The following DMTF1 variants were observed in gnomAD, a reference collection of about 807,000 sequenced individuals.
The protein encoded by DMTF1 is cyclin D binding myb like transcription factor 1.
A neutral mutation model predicts 91.1 loss-of-function variants in DMTF1; 39 were observed. The observed-to-expected ratio is 0.43, with a 90% CI of 0.33 to 0.56. The LOEUF is 0.56. Ranked by LOEUF, DMTF1 falls within the 20% of genes least tolerant of loss-of-function variation. DMTF1 has a pLI of 0.05. For missense variants in DMTF1, 750 were observed against 914.5 expected, an observed-to-expected ratio of 0.82 and a Z score of 2.32; for synonymous variants, 338 against 309.5, an observed-to-expected ratio of 1.09 and a Z score of -0.97.
chr7:87,162,060 CTG>C (rs1792573379), intron 1 of DMTF1, among the ~76,000 whole-genome samples: 2 of 152,128 alleles, frequency 1.3e-5, no homozygotes, highest in Admixed American at 6.6e-5. Flanking sequence ...TAACGGATAA[CTG>C]TTAAATAATG....
chr7:87,189,717 G>T (rs1480664182), intron 13 of DMTF1, among the ~76,000 whole-genome samples: 1 of 152,122 alleles, frequency 6.6e-6, no homozygotes, highest in Non-Finnish European at 1.5e-5. Context: ...TAATGAGCCA[G>T]ATAGTAAATA....
Position 87,195,240 on chromosome 7 carries a change from A to T in DMTF1, c.*100A>T. 2 of 781,026 alleles carry T rather than the reference A, an allele frequency of 2.6e-6. No individual in the cohort carries two copies. The highest frequency in any genetic ancestry group is 3.4e-5 in the South Asian group (2 of 58,424). The allele number at this position is 781,026 out of a possible 1,614,324, so 48.4% of individuals were successfully genotyped here. On this transcript the variant is annotated 3_prime_UTR_variant, in exon 18 of 18. Coordinates refer to ENST00000331242, the MANE Select transcript of DMTF1 (RefSeq NM_001142327.2). ...CAACCCCCAAGAGGCTTAATTTACC[A>T]ATTTAAATAGCCACAGTCCTTAAGC...
At chr7:87,156,581 G>C (rs1790789445) in intron 1 of DMTF1, among the ~76,000 whole-genome samples, 1 of 152,054 alleles carries the variant, frequency 6.6e-6, no homozygotes, top group African/African-American at 2.4e-5. Context: ...AGTGTGTAGT[G>C]TTCCTATTCG....
chr7:87,160,657 C>T (rs112106094), intron 1 of DMTF1, among the ~76,000 whole-genome samples: 2 of 152,168 alleles, frequency 1.3e-5, no homozygotes, highest in Non-Finnish European at 2.9e-5. Context: ...ACCAAAACTA[C>T]TTTTGTTAAA....
At chr7:87,190,050 A>G (rs113371911) in intron 13 of DMTF1, among the ~76,000 whole-genome samples, 4,195 of 152,176 alleles carry the variant, frequency 0.028, 81 homozygotes, top group Middle Eastern at 0.071. Context: ...AAAGTTCCAA[A>G]TCATATTTCA....
At chr7:87,187,568 TAGAG>T (rs1488058858) in intron 12 of DMTF1, 8 of 154,732 alleles carry the variant, frequency 5.2e-5, no homozygotes, top group African/African-American at 7.2e-5. Flanking sequence ...AAAATCCAGT[TAGAG>T]AGGATAAGCG....
At chr7:87,186,097 A>AC (rs773760326) in intron 12 of DMTF1, 117 bp downstream of exon 12, 2 of 1,059,976 alleles carry the variant, frequency 1.9e-6, no homozygotes, top group Non-Finnish European at 2.8e-6. Context: ...ATTTCTACTT[A>AC]CACCACTTCC....
chr7:87,172,709 C>T (rs11981403), intron 5 of DMTF1, among the ~76,000 whole-genome samples: 5,636 of 152,324 alleles, frequency 0.037, 127 homozygotes, highest in East Asian at 0.064. Context: ...ATTCTGCTTA[C>T]GATAGGCTAA....
chr7:87,179,224 C>T (rs932581473), intron 7 of DMTF1, among the ~76,000 whole-genome samples: 1 of 151,924 alleles, frequency 6.6e-6, no homozygotes, highest in Non-Finnish European at 1.5e-5. Context: ...TGCTTTGATT[C>T]TGGATTCCAT....
At chr7:87,177,986 T>C (rs931526019) in intron 7 of DMTF1, among the ~76,000 whole-genome samples, 4 of 152,172 alleles carry the variant, frequency 2.6e-5, no homozygotes, top group African/African-American at 9.6e-5. Context: ...TCTTTTGTTA[T>C]AAATTTAGAA....
At chr7:87,188,973 G>A (rs1322322029) in intron 13 of DMTF1, among the ~76,000 whole-genome samples, 1 of 152,062 alleles carries the variant, frequency 6.6e-6, no homozygotes, top group Non-Finnish European at 1.5e-5. Flanking sequence ...CTTGTTTTTG[G>A]TCTACATATG....
At position 87,166,588 on chromosome 7, in the gene DMTF1, C is replaced by A. The variant is rs1231398143; in HGVS notation, c.215C>A (p.Ser72Ter). ...QSIDDSTPCISVVALPLSEND... is the reference protein window; with the variant it reads ...QSIDDSTPCI ...ATTGATGATTCTACTCCTTGCATATCAGTTGTTGCACTTCCACGTAAGTCA... is the reference window on the plus strand; with the variant it reads ...ATTGATGATTCTACTCCTTGCATATAAGTTGTTGCACTTCCACGTAAGTCA... Residue 72 changes from serine to a stop codon, truncating the protein, a stop_gained, in exon 4 of 18, where the codon TCA becomes TAA. Coordinates refer to ENST00000331242, the MANE Select transcript of DMTF1 (RefSeq NM_001142327.2). LOFTEE classifies it high-confidence loss of function. The A allele has an allele frequency of 2.5e-6, 4 of 1,612,566 alleles. No individual in the cohort carries two copies. The highest frequency in any genetic ancestry group is 3.4e-6 in the Non-Finnish European group (4 of 1,179,242).
At chr7:87,193,411 T>A (rs1237949550) in intron 15 of DMTF1, 58 bp downstream of exon 15, 7 of 1,566,550 alleles carry the variant, frequency 4.5e-6, no homozygotes, top group Non-Finnish European at 6.1e-6. Flanking sequence ...GATTAGTTGA[T>A]AAGGACCAAA....
chr7:87,158,342 C>T (rs1584179115), intron 1 of DMTF1, among the ~76,000 whole-genome samples: 1 of 151,922 alleles, frequency 6.6e-6, no homozygotes, highest in Non-Finnish European at 1.5e-5. Context: ...ACCACTTCAG[C>T]TTGTCTGAAA....
intron 7 of DMTF1, among the ~76,000 whole-genome samples, chr7:87,178,784 T>G (rs1424308464): frequency 6.6e-6 from 1 of 152,002 alleles, no homozygotes; most frequent in Non-Finnish European, 1.5e-5. Context: ...TTTTTTTTTT[T>G]TTTAAACTTT....
intron 5 of DMTF1, among the ~76,000 whole-genome samples, chr7:87,172,980 C>T (rs890651730): frequency 2.0e-5 from 3 of 152,172 alleles, no homozygotes; most frequent in African/African-American, 7.2e-5. Context: ...TGTCAGAAAA[C>T]AATAAGCGGA....
rs547191265 is a variant in DMTF1 at position 87,195,508 on chromosome 7, T to C, written c.*368T>C. The C allele has an allele frequency of 1.4e-3, 252 of 183,000 alleles. 1 individual carries two copies. Among genetic ancestry groups the C allele is most frequent in the African/African-American group, 5.7e-3 (239 of 42,066 alleles). 11.3% of individuals were successfully genotyped at this position (183,000 alleles called of 1,614,324 possible). A position where few individuals can be genotyped will look rare whatever the true frequency, so the allele number is the denominator to read the frequency against. On this transcript the variant is annotated 3_prime_UTR_variant, in exon 18 of 18. Coordinates refer to ENST00000331242, the MANE Select transcript of DMTF1 (RefSeq NM_001142327.2). ...AAAGATCAGACATGGCACTGTCTCC[T>C]CTCAAGCCTGGTTGTAGTTCAGATG...
chr7:87,180,434 A>G (rs1451730424), intron 8 of DMTF1, among the ~76,000 whole-genome samples: 2 of 152,212 alleles, frequency 1.3e-5, no homozygotes, highest in African/African-American at 4.8e-5. Flanking sequence ...ATGCATTACA[A>G]ATGGTTACAA....
intron 7 of DMTF1, among the ~76,000 whole-genome samples, chr7:87,178,588 C>G (rs986671029): frequency 4.6e-5 from 7 of 151,902 alleles, no homozygotes; most frequent in African/African-American, 1.7e-4. Context: ...CTGGGATAAA[C>G]TCACTTTTCT....
Sources: gnomAD v4.1 joint callset for allele counts (sites outside exome capture counted in the v4.1 genomes callset) on GRCh38, gnomAD v4.1.1 for gene constraint, MANE v1.5 for transcripts, NCBI Gene and HGNC (gene_info 2026-07-23, HGNC 2026-07-21) for gene names.